Variants in NRG2 observed in about 807,000 individuals in gnomAD.
NRG2 encodes the protein neuregulin 2.
NRG2 carries 27 observed loss-of-function variants against 73.9 expected under a neutral mutation model. The observed-to-expected ratio is 0.37, with a 90% CI of 0.27 to 0.50. The LOEUF (loss-of-function observed/expected upper bound fraction) is 0.50. Among genes scored for constraint, NRG2 ranks in the 20% least tolerant of loss-of-function variants. The pLI is 0.96. For synonymous variants in NRG2, 532 were observed against 541.0 expected (o/e 0.98, Z 0.23); for missense variants, 1,126 against 1,210.1 (o/e 0.93, Z 1.03).
At position 139,847,999 on chromosome 5, in the gene NRG2, A is replaced by C; in HGVS notation, c.2471T>G (p.Leu824Arg). The C allele has an allele frequency of 6.6e-7, 1 of 1,514,682 alleles. No homozygotes were observed. Among genetic ancestry groups the C allele is most frequent in the Non-Finnish European group, 8.8e-7 (1 of 1,135,836 alleles). 93.8% of individuals were successfully genotyped at this position (1,514,682 alleles called of 1,614,324 possible). A position where few individuals can be genotyped will look rare whatever the true frequency, so the allele number is the denominator to read the frequency against. ...PAADSRTYYSLDSHSTRASSR... is the reference protein window; with the variant it reads ...PAADSRTYYSRDSHSTRASSR... ...GCTGGCCCGCGTGCTGTGGCTGTCC[A>C]GTGAGTAGTAAGTCCTGCTGTCGGC... The change falls in exon 10 of 10, where the codon CTG (leucine) becomes CGG (arginine). Residue 824 changes from leucine (L) to arginine (R), a missense_variant. By Grantham distance (102) the Leu-to-Arg change is moderately radical. Coordinates refer to ENST00000361474, the MANE Select transcript of NRG2 (RefSeq NM_004883.3).
rs143387905 is a variant in NRG2, at chr5:139,917,354, C to T, written c.701-29843G>A. ...GCAGCCTTGACCTCCCGGGCTCAAA[C>T]GATCCTTCCACCTCAGCCTCTTGAG... On this transcript the variant is annotated intron_variant, in intron 1 of 9. Coordinates refer to ENST00000361474, the MANE Select transcript of NRG2 (RefSeq NM_004883.3). Among the ~76,000 whole-genome samples the T allele has an allele frequency of 3.4e-4, 52 of 152,260 alleles. 1 individual carries two copies. In the East Asian group the frequency reaches 8.7e-3, roughly 25 times the overall value.
chr5:139,897,304 G>C (rs1184773847), intron 1 of NRG2, among the ~76,000 whole-genome samples: 7 of 152,222 alleles, frequency 4.6e-5, no homozygotes, highest in African/African-American at 1.7e-4. Context: ...AGATTGTGGA[G>C]AGAATTAAAT....
chr5:140,026,634 A>AAAAG (rs1184453786), intron 1 of NRG2, among the ~76,000 whole-genome samples: 2 of 152,190 alleles, frequency 1.3e-5, no homozygotes, highest in Admixed American at 6.5e-5. Context: ...AAAAGAAAAG[A>AAAAG]AAAGAAAGAA....
At chr5:139,937,770 G>C (rs1752952005) in intron 1 of NRG2, among the ~76,000 whole-genome samples, 1 of 152,010 alleles carries the variant, frequency 6.6e-6, no homozygotes, top group African/African-American at 2.4e-5. Context: ...AAAATCTAGA[G>C]AAAAAATTAA....
intron 5 of NRG2, among the ~76,000 whole-genome samples, chr5:139,864,149 C>T (rs1463624161): frequency 6.6e-6 from 1 of 152,138 alleles, no homozygotes; most frequent in Admixed American, 6.5e-5. Flanking sequence ...CACGCAGGGG[C>T]CTAGCCTGCT....
rs927445097 is a variant in NRG2 at position 139,893,341 on chromosome 5, G to T, written c.701-5830C>A. Reference sequence around the variant, plus strand: ...ATAAATTCAGCTTTGTGGCTGAAGGGAGGAGCAGCAGTCCTGGGGGTTCAT... The same window carrying T: ...ATAAATTCAGCTTTGTGGCTGAAGGTAGGAGCAGCAGTCCTGGGGGTTCAT... On this transcript the variant is annotated intron_variant, in intron 1 of 9. Coordinates refer to ENST00000361474, the MANE Select transcript of NRG2 (RefSeq NM_004883.3). Among the ~76,000 whole-genome samples, 4 of 152,316 alleles carry T rather than the reference G, an allele frequency of 2.6e-5. No individual in the cohort carries two copies. The East Asian group carries it at 7.7e-4, about 29-fold the overall frequency.
At position 139,962,862 on chromosome 5, in the gene NRG2, C is replaced by G. The variant is rs569100349; in HGVS notation, c.701-75351G>C. Among the ~76,000 whole-genome samples, 25 of 152,268 alleles carry G rather than the reference C, an allele frequency of 1.6e-4. No homozygotes were observed. The South Asian group carries it at 1.7e-3, about 10-fold the overall frequency. ...TACTCTGCCTCTTGCCCCAGGCAGA[C>G]CAGATACCAACAAATCAGGCCTCTG... On this transcript the variant is annotated intron_variant, in intron 1 of 9. Transcript: ENST00000361474.
intron 1 of NRG2, among the ~76,000 whole-genome samples, chr5:140,026,396 G>A (rs1014594855): frequency 6.6e-6 from 1 of 152,186 alleles, no homozygotes; most frequent in Non-Finnish European, 1.5e-5. Context: ...TCTGAAACTA[G>A]GGAATTCCAT....
chr5:140,032,587 C>A (rs10043426), intron 1 of NRG2, among the ~76,000 whole-genome samples: 1 of 152,118 alleles, frequency 6.6e-6, no homozygotes, highest in East Asian at 1.9e-4. Context: ...CCACTGCTCC[C>A]TTTTTACTTG....
intron 1 of NRG2, among the ~76,000 whole-genome samples, chr5:139,892,961 G>C (rs918880469): frequency 6.6e-6 from 1 of 152,128 alleles, no homozygotes; most frequent in South Asian, 2.1e-4. Context: ...GCTGTATATG[G>C]AGTAACCACC....
At chr5:139,938,762 A>C (rs1335767955) in intron 1 of NRG2, among the ~76,000 whole-genome samples, 1 of 151,416 alleles carries the variant, frequency 6.6e-6, no homozygotes, top group East Asian at 1.9e-4. Flanking sequence ...AAAGGTTTTA[A>C]GGCAATTCAA....
In NRG2 at chr5:139,853,679, G is replaced by T. The variant is rs1388970882; in HGVS notation, c.1293-652C>A. ...CACATATTAAATGCTCGATTTATTT[G>T]ATATTAAATCTAATCATGTCCCTCC... On this transcript the variant is annotated intron_variant, in intron 6 of 9. Coordinates refer to ENST00000361474, the MANE Select transcript of NRG2 (RefSeq NM_004883.3). The surrounding 1 kb of genome is among the most constrained non-coding windows in gnomAD (Gnocchi z 4.1). 6.6e-6 allele frequency among the ~76,000 whole-genome samples: 1 copy of T among 152,126 alleles called. No homozygotes were observed. Among genetic ancestry groups the T allele is most frequent in the African/African-American group, 2.4e-5 (1 of 41,418 alleles).
chr5:140,015,083 T>C (rs1224216197), intron 1 of NRG2, among the ~76,000 whole-genome samples: 3 of 152,232 alleles, frequency 2.0e-5, no homozygotes, highest in Non-Finnish European at 4.4e-5. Context: ...TGTCACGTTG[T>C]AATTTAGGTC....
intron 1 of NRG2, among the ~76,000 whole-genome samples, chr5:139,906,301 C>T (rs186260360): frequency 3.2e-4 from 48 of 151,902 alleles, no homozygotes; most frequent in African/African-American, 1.1e-3. Context: ...CCACCGCGCC[C>T]GGCCCAGACT....
chr5:140,019,185 G>A (rs1472818520), intron 1 of NRG2, among the ~76,000 whole-genome samples: 7 of 152,160 alleles, frequency 4.6e-5, no homozygotes, highest in African/African-American at 1.2e-4. Context: ...CTAGAAACCC[G>A]GTTATTTCTA....
chr5:140,017,760 A>G (rs563675200), intron 1 of NRG2, among the ~76,000 whole-genome samples: 26 of 152,322 alleles, frequency 1.7e-4, no homozygotes, highest in African/African-American at 5.1e-4. Context: ...ATTGGTTGCG[A>G]AAGAGAAGAG....
At chr5:139,926,924 C>G (rs950717397) in intron 1 of NRG2, among the ~76,000 whole-genome samples, 8 of 152,204 alleles carry the variant, frequency 5.3e-5, no homozygotes, top group Admixed American at 2.0e-4. Flanking sequence ...TGATGGGCCC[C>G]ATCTGTGAAG....
At chr5:140,017,334 G>A (rs1268640962) in intron 1 of NRG2, among the ~76,000 whole-genome samples, 1 of 152,128 alleles carries the variant, frequency 6.6e-6, no homozygotes, top group African/African-American at 2.4e-5. Flanking sequence ...TGAGATATCA[G>A]GTAGAGAAGA....
chr5:139,970,227 G>A (rs1232933239), intron 1 of NRG2, among the ~76,000 whole-genome samples: 1 of 152,180 alleles, frequency 6.6e-6, no homozygotes, highest in African/African-American at 2.4e-5. Flanking sequence ...AACCAAGATG[G>A]TGGTGTTTCC....
Sources: gnomAD v4.1 joint callset for allele counts (sites outside exome capture counted in the v4.1 genomes callset) on GRCh38, gnomAD v4.1.1 for gene constraint, Gnocchi (gnomAD v3.1) non-coding constraint, MANE v1.5 for transcripts, NCBI Gene and HGNC (gene_info 2026-07-23, HGNC 2026-07-21) for gene names.